The following GRK7 variants were observed in gnomAD, a reference collection of about 807,000 sequenced individuals.
GRK7 encodes the protein G protein-coupled receptor kinase 7, also known as rhodopsin kinase GRK7.
GRK7 carries 24 observed loss-of-function variants against 34.1 expected under a neutral mutation model. That is an observed-to-expected ratio of 0.70 (90% confidence interval 0.51 to 0.99). The LOEUF (loss-of-function observed/expected upper bound fraction) is 0.99, where lower values mean the gene tolerates loss of function less well. Ranked by LOEUF, GRK7 falls within the 50% of genes least tolerant of loss-of-function variation. GRK7 has a pLI of 0.00. For synonymous variants in GRK7, 256 were observed against 279.4 expected (o/e 0.92, Z 0.84); for missense variants, 644 against 707.3 (o/e 0.91, Z 1.02).
rs2084657022 is a variant in GRK7 at position 141,778,990 on chromosome 3, A to G, written c.612+94A>G. 2 of 1,215,630 alleles carry G rather than the reference A, an allele frequency of 1.6e-6. No homozygotes were observed. The highest frequency in any genetic ancestry group is 4.7e-5 in the East Asian group (2 of 42,132). 75.3% of individuals were successfully genotyped at this position (1,215,630 alleles called of 1,614,324 possible). A position where few individuals can be genotyped will look rare whatever the true frequency, so the allele number is the denominator to read the frequency against. On this transcript the variant is annotated intron_variant, in intron 3 of 5. Transcript: ENST00000682958. This position sits in a 1 kb window ranked among gnomAD's most constrained non-coding sequence, Gnocchi z 4.1. ...CTTTTTTTAAATCTCAGTTACTTAG[A>G]ACTAATTTCAGCACCATATGTGGAG... is the stretch of plus-strand genomic sequence containing the variant.
At chr3:141,781,183 G>C (rs2107879028) in intron 4 of GRK7, among the ~76,000 whole-genome samples, 1 of 152,274 alleles carries the variant, frequency 6.6e-6, no homozygotes, top group South Asian at 2.1e-4. Flanking sequence ...TCTGGAAAAT[G>C]AAGGGGCTGG....
At chr3:141,774,931 T>C (rs2084632491) in intron 2 of GRK7, among the ~76,000 whole-genome samples, 1 of 152,050 alleles carries the variant, frequency 6.6e-6, no homozygotes, top group Non-Finnish European at 1.5e-5. Context: ...TAGCTGGGGC[T>C]ACAGGAGTCC....
intron 4 of GRK7, among the ~76,000 whole-genome samples, chr3:141,783,873 G>A (rs1241836965): frequency 6.6e-6 from 1 of 152,136 alleles, no homozygotes; most frequent in East Asian, 1.9e-4. Context: ...CCAGGGAGGT[G>A]ACAGAGTGTT....
chr3:141,809,220 A>T (rs1437395203), intron 5 of GRK7, among the ~76,000 whole-genome samples: 1 of 152,034 alleles, frequency 6.6e-6, no homozygotes, highest in Non-Finnish European at 1.5e-5. Flanking sequence ...AATAATAATA[A>T]TAGTAACAAT....
At chr3:141,797,326 C>T (rs975580701) in intron 4 of GRK7, among the ~76,000 whole-genome samples, 1 of 152,164 alleles carries the variant, frequency 6.6e-6, no homozygotes, top group African/African-American at 2.4e-5. Context: ...CCTGATTCTG[C>T]GGCCTGGGGC....
Position 141,767,890 on chromosome 3 carries a change from AGTTTTTTCTGGTCT to A in GRK7, c.-215+2158_-215+2171del, listed in dbSNP as rs1361814094. ...GTTCCTAGTCTAAACCCAGCATTTA[AGTTTTTTCTGGTCT>A]GTTTTCTTCATGTACAGGAAGAGCT... On this transcript the variant is annotated intron_variant, in intron 1 of 5. Coordinates refer to ENST00000682958, the MANE Select transcript of GRK7 (RefSeq NM_139209.3). Among the ~76,000 whole-genome samples, 3 of 152,216 alleles carry A rather than the reference AGTTTTTTCTGGTCT, an allele frequency of 2.0e-5. No individual in the cohort carries two copies. The East Asian group carries it at 5.8e-4, about 29-fold the overall frequency.
chr3:141,783,302 T>C (rs1309953687), intron 4 of GRK7, among the ~76,000 whole-genome samples: 1 of 152,220 alleles, frequency 6.6e-6, no homozygotes, highest in Non-Finnish European at 1.5e-5. Flanking sequence ...GGAATTATAA[T>C]TAAGCGATTA....
chr3:141,787,394 C>A (rs1429632084), intron 4 of GRK7, among the ~76,000 whole-genome samples: 6 of 151,990 alleles, frequency 3.9e-5, no homozygotes, highest in African/African-American at 9.7e-5. Context: ...GAGGCTGAGG[C>A]GGGTGGATCA....
intron 4 of GRK7, among the ~76,000 whole-genome samples, chr3:141,799,597 G>A: frequency 6.6e-6 from 1 of 151,282 alleles, no homozygotes; most frequent in Non-Finnish European, 1.5e-5. Flanking sequence ...GGGTGATAGA[G>A]TGAGGCTCGG....
chr3:141,800,673 A>G (rs755406496), intron 4 of GRK7, among the ~76,000 whole-genome samples: 3 of 152,352 alleles, frequency 2.0e-5, no homozygotes, highest in Non-Finnish European at 4.4e-5. Flanking sequence ...GTTAAATACA[A>G]TAAGTCAGAC....
At position 141,765,738 on chromosome 3, in the gene GRK7, G is replaced by C. The variant is rs2084577891; in HGVS notation, c.-215G>C. ...GAATGCAACCATAAGAGTGAGTCCA[G>C]GTGAGACCAGCAAAGAGCTGCCCAA... is the stretch of plus-strand genomic sequence containing the variant. On this transcript the variant is annotated splice_region_variant and 5_prime_UTR_variant, in exon 1 of 6. Transcript: ENST00000682958. Among the ~76,000 whole-genome samples the C allele has an allele frequency of 6.6e-6, 1 of 152,150 alleles. No individual in the cohort carries two copies. Among genetic ancestry groups the C allele is most frequent in the South Asian group, 2.1e-4 (1 of 4,830 alleles).
At chr3:141,772,964 C>T (rs1322917940) in intron 1 of GRK7, among the ~76,000 whole-genome samples, 2 of 151,816 alleles carry the variant, frequency 1.3e-5, no homozygotes, top group Non-Finnish European at 2.9e-5. Context: ...GGTGAGACCC[C>T]ATCTCTACTA....
At chr3:141,792,909 A>G (rs1244858300) in intron 4 of GRK7, among the ~76,000 whole-genome samples, 5 of 152,130 alleles carry the variant, frequency 3.3e-5, no homozygotes, top group African/African-American at 1.2e-4. Flanking sequence ...CTGTGTAATG[A>G]AGACTCCATA....
intron 3 of GRK7, among the ~76,000 whole-genome samples, chr3:141,780,037 A>AAACAG: frequency 6.6e-6 from 1 of 152,348 alleles, no homozygotes; most frequent in South Asian, 2.1e-4. Context: ...CCAGGAGTGG[A>AAACAG]ATTGCTAGGG....
At chr3:141,793,536 C>A (rs1010215899) in intron 4 of GRK7, among the ~76,000 whole-genome samples, 4 of 152,156 alleles carry the variant, frequency 2.6e-5, no homozygotes, top group Non-Finnish European at 4.4e-5. Context: ...GTGCGGCAGG[C>A]GGTGGGGACT....
intron 2 of GRK7, among the ~76,000 whole-genome samples, chr3:141,777,491 A>ATTTTTTTTTTTTTTTTTTT (rs530806848): frequency 4.5e-4 from 36 of 80,542 alleles, no homozygotes; most frequent in African/African-American, 1.4e-3. Context: ...AGCCCGGCTA[A>ATTTTTTTTTTTTTTTTTTT]TTTTTTTTTT....
intron 4 of GRK7, among the ~76,000 whole-genome samples, chr3:141,785,689 G>A (rs539631067): frequency 4.6e-5 from 7 of 151,950 alleles, no homozygotes; most frequent in South Asian, 4.2e-4. Flanking sequence ...ATTTGAACCC[G>A]GGAGGTGGAG....
At chr3:141,810,930 G>T (rs558634004) in intron 5 of GRK7, among the ~76,000 whole-genome samples, 1 of 152,268 alleles carries the variant, frequency 6.6e-6, no homozygotes, top group Admixed American at 6.5e-5. Flanking sequence ...AGGTGCGGGA[G>T]CAGTGGCTGA....
chr3:141,780,897 G>A lies in GRK7; in HGVS notation c.1050+86G>A, dbSNP rs144348984. On this transcript the variant is annotated intron_variant, in intron 4 of 5. Coordinates refer to ENST00000682958, the MANE Select transcript of GRK7 (RefSeq NM_139209.3). The stretch of plus-strand genomic sequence containing the variant: ...CTTTTCTATTCCCAGGGCAAATAGA[G>A]CCTTGGACTTAATTCTTTTGGTTTT... 342 of 1,207,026 alleles carry A rather than the reference G, an allele frequency of 2.8e-4. 2 individuals are homozygous for A. The East Asian group carries it at 8.5e-3, about 30-fold the overall frequency. 74.8% of individuals were successfully genotyped at this position (1,207,026 alleles called of 1,614,324 possible).
Sources: gnomAD v4.1 joint callset for allele counts (sites outside exome capture counted in the v4.1 genomes callset) on GRCh38, gnomAD v4.1.1 for gene constraint, Gnocchi (gnomAD v3.1) non-coding constraint, MANE v1.5 for transcripts, NCBI Gene and HGNC (gene_info 2026-07-23, HGNC 2026-07-21) for gene names.